KLHL2: variants seen among roughly 807,000 people sequenced by gnomAD.
KLHL2 encodes the protein kelch-like protein 2.
A neutral mutation model predicts 75.8 loss-of-function variants in KLHL2; 15 were observed. That is an observed-to-expected ratio of 0.20 (90% CI 0.13 to 0.30). The LOEUF is 0.30. Ranked by LOEUF, KLHL2 falls within the 10% of genes least tolerant of loss-of-function variation. The pLI is 1.00. For missense variants in KLHL2, 381 were observed against 741.0 expected (o/e 0.51, Z 5.64); for synonymous variants, 214 against 251.9 (o/e 0.85, Z 1.42).
intron 1 of KLHL2, among the ~76,000 whole-genome samples, chr4:165,212,574 G>A (rs1476426081): frequency 6.6e-6 from 1 of 152,108 alleles, no homozygotes; most frequent in Non-Finnish European, 1.5e-5. Context: ...TTTTATGATA[G>A]CTCTTTTTCT....
At chr4:165,286,849 T>G (rs1298446880) in intron 5 of KLHL2, among the ~76,000 whole-genome samples, 1 of 152,156 alleles carries the variant, frequency 6.6e-6, no homozygotes, top group South Asian at 2.1e-4. Context: ...GTCAAGACAG[T>G]GACATGCATT....
At chr4:165,220,139 C>A in intron 2 of KLHL2, 80 bp downstream of exon 2, 3 of 1,524,924 alleles carry the variant, frequency 2.0e-6, no homozygotes, top group Non-Finnish European at 1.8e-6. Context: ...ATATAATCAA[C>A]CTTCCATTGT....
At chr4:165,266,606 G>T (rs915925791) in intron 5 of KLHL2, among the ~76,000 whole-genome samples, 2 of 152,122 alleles carry the variant, frequency 1.3e-5, no homozygotes, top group African/African-American at 4.8e-5. Flanking sequence ...TTTTTGTCAA[G>T]TTTGTCAAAG....
At chr4:165,244,662 G>A (rs1740107295) in intron 4 of KLHL2, among the ~76,000 whole-genome samples, 1 of 152,054 alleles carries the variant, frequency 6.6e-6, no homozygotes, top group Non-Finnish European at 1.5e-5. Flanking sequence ...AACAAAAAAG[G>A]AACAGGGAAC....
intron 3 of KLHL2, among the ~76,000 whole-genome samples, chr4:165,237,778 A>G (rs1217670818): frequency 1.3e-5 from 2 of 152,176 alleles, no homozygotes; most frequent in Non-Finnish European, 2.9e-5. Flanking sequence ...AGTGAATTCT[A>G]GAGCCAAATC....
intron 1 of KLHL2, among the ~76,000 whole-genome samples, chr4:165,215,070 T>TA (rs1737448024): frequency 6.6e-6 from 1 of 152,220 alleles, no homozygotes; most frequent in Non-Finnish European, 1.5e-5. Flanking sequence ...AATATGAACA[T>TA]ATGTTTGTAG....
intron 12 of KLHL2, 50 bp from the exon 13 acceptor site, chr4:165,313,976 T>C: frequency 6.4e-7 from 1 of 1,574,246 alleles, no homozygotes; most frequent in Non-Finnish European, 8.6e-7. Context: ...TAATATGATA[T>C]AAATCTCTTG....
intron 4 of KLHL2, among the ~76,000 whole-genome samples, chr4:165,256,207 G>A (rs897030016): frequency 6.6e-6 from 1 of 152,010 alleles, no homozygotes; most frequent in Non-Finnish European, 1.5e-5. Flanking sequence ...GATCAGTGGT[G>A]GCTTCTCCCC....
chr4:165,219,779 G>T, intron 1 of KLHL2, 155 bp from the exon 2 acceptor site: 1 of 1,360,442 alleles, frequency 7.4e-7, no homozygotes, highest in Non-Finnish European at 9.7e-7. Flanking sequence ...GTTCTTAATT[G>T]TCTTAACCTT....
intron 5 of KLHL2, among the ~76,000 whole-genome samples, chr4:165,269,763 A>G (rs1362789946): frequency 2.0e-5 from 3 of 151,174 alleles, no homozygotes; most frequent in East Asian, 1.9e-4. Context: ...CTTCATTTCA[A>G]CCTTGGTGAA....
intron 9 of KLHL2, 71 bp downstream of exon 9, chr4:165,305,796 TATTA>T (rs1022299221): frequency 9.8e-7 from 1 of 1,020,938 alleles, no homozygotes; most frequent in Non-Finnish European, 1.5e-6. Context: ...GGTCTTATTT[TATTA>T]ATTAGAAAAA....
At position 165,229,373 on chromosome 4, in the gene KLHL2, A is replaced by T. The variant is rs537022122; in HGVS notation, c.259+460A>T. ...GTTCTACTTTGGCAACTGTGAAAAT[A>T]TATAGAATGATTTTAGTACTTCTGG... is the stretch of plus-strand genomic sequence containing the variant. On this transcript the variant is annotated intron_variant, in intron 3 of 14. Coordinates refer to ENST00000226725, the MANE Select transcript of KLHL2 (RefSeq NM_007246.4). Among the ~76,000 whole-genome samples the T allele has an allele frequency of 2.6e-3, 399 of 152,360 alleles. 4 individuals carry two copies. The highest frequency in any genetic ancestry group is 8.6e-3 in the African/African-American group (358 of 41,576).
intron 4 of KLHL2, among the ~76,000 whole-genome samples, chr4:165,255,544 C>T (rs2111192574): frequency 6.6e-6 from 1 of 152,198 alleles, no homozygotes; most frequent in African/African-American, 2.4e-5. Flanking sequence ...AGGGGGCTGG[C>T]CCGGTGCAGA....
chr4:165,248,515 C>T (rs375247404), intron 4 of KLHL2, among the ~76,000 whole-genome samples: 5 of 151,992 alleles, frequency 3.3e-5, no homozygotes, highest in East Asian at 3.9e-4. Flanking sequence ...TTCCAAGGAG[C>T]GGGGGTTTTT....
rs766699652 is a variant in KLHL2, at chr4:165,228,763, G to T, written c.153-44G>T. 6.0e-6 allele frequency: 6 copies of T among 1,002,156 alleles called. No homozygotes were observed. The Admixed American group carries it at 1.0e-4, about 17-fold the overall frequency. 62.1% of individuals were successfully genotyped at this position (1,002,156 alleles called of 1,614,324 possible). A position where few individuals can be genotyped will look rare whatever the true frequency, so the allele number is the denominator to read the frequency against. On this transcript the variant is annotated intron_variant, in intron 2 of 14. Transcript: ENST00000226725. ...TTTGCATAGGATGTTCAATACATTCGTTGTTGATATCATTTAAATTTTTTC... is the reference window on the plus strand; with the variant it reads ...TTTGCATAGGATGTTCAATACATTCTTTGTTGATATCATTTAAATTTTTTC...
At chr4:165,210,258 TTTGC>T (rs1013855668) in intron 1 of KLHL2, 2 of 1,350,602 alleles carry the variant, frequency 1.5e-6, no homozygotes, top group Admixed American at 2.0e-5. Flanking sequence ...GCGTGGTGCT[TTTGC>T]TTGTGTTCTC....
At chr4:165,220,140 C>T in intron 2 of KLHL2, 81 bp downstream of exon 2, 1 of 1,523,926 alleles carries the variant, frequency 6.6e-7, no homozygotes, top group Non-Finnish European at 8.8e-7. Context: ...TATAATCAAC[C>T]TTCCATTGTT....
intron 1 of KLHL2, among the ~76,000 whole-genome samples, chr4:165,211,903 A>G (rs1009847268): frequency 2.0e-5 from 3 of 152,212 alleles, no homozygotes; most frequent in African/African-American, 7.2e-5. Context: ...TGCAGTAACT[A>G]TTAGTAAATG....
At chr4:165,288,100 C>G (rs975661727) in intron 5 of KLHL2, among the ~76,000 whole-genome samples, 2 of 152,110 alleles carry the variant, frequency 1.3e-5, no homozygotes, top group African/African-American at 4.8e-5. Flanking sequence ...AAACTTTCCC[C>G]CCTGTGTTTA....
Sources: allele counts gnomAD v4.1 joint callset (sites outside exome capture counted in the v4.1 genomes callset), GRCh38; gene constraint gnomAD v4.1.1; transcripts MANE v1.5; gene names NCBI Gene and HGNC (gene_info 2026-07-23, HGNC 2026-07-21).